The following RICTOR variants were observed in gnomAD, a reference collection of about 807,000 sequenced individuals.
The protein encoded by RICTOR is rapamycin-insensitive companion of mTOR.
In RICTOR, 49 loss-of-function variants were observed where a neutral mutation model predicts 214.9. The ratio of observed to expected loss-of-function variants is 0.23; its 90% CI spans 0.18 to 0.29. RICTOR has a LOEUF of 0.29. RICTOR is among the 10% of genes least tolerant of loss of function. The pLI, the probability that RICTOR is intolerant of heterozygous loss-of-function variation, is 1.00. For synonymous variants in RICTOR, 717 were observed against 711.3 expected, an observed-to-expected ratio of 1.01 and a Z score of -0.13; for missense variants, 1,625 against 2,047.0, an observed-to-expected ratio of 0.79 and a Z score of 3.98.
chr5:38,963,238 G>C (rs1749943313), intron 16 of RICTOR, among the ~76,000 whole-genome samples, 197 bp from the exon 17 acceptor site: 1 of 151,970 alleles, frequency 6.6e-6, no homozygotes, highest in African/African-American at 2.4e-5. Flanking sequence ...TGATTATTTA[G>C]ATGCAATTGA....
chr5:38,974,472 G>A (rs1054574004), intron 10 of RICTOR, among the ~76,000 whole-genome samples: 15 of 152,182 alleles, frequency 9.9e-5, no homozygotes, highest in African/African-American at 3.4e-4. Context: ...GACGTAGGAA[G>A]AATAAGGAGA....
At chr5:39,049,880 A>G (rs1757731433) in intron 2 of RICTOR, among the ~76,000 whole-genome samples, 1 of 152,160 alleles carries the variant, frequency 6.6e-6, no homozygotes. Context: ...AAAAAAGTTT[A>G]ACAACCAAGA....
intron 31 of RICTOR, among the ~76,000 whole-genome samples, chr5:38,948,638 G>C (rs1748434663): frequency 6.6e-6 from 1 of 152,050 alleles, no homozygotes; most frequent in Admixed American, 6.6e-5. Flanking sequence ...CTGAGGCTTA[G>C]GAATGTTCAA....
rs1196465026 is a variant in RICTOR, at chr5:38,960,486, T to A, written c.1763A>T (p.Tyr588Phe). Residue 588 changes from tyrosine (Y) to phenylalanine (F), a missense_variant, in exon 20 of 38, where the codon TAT becomes TTT. Transcript: ENST00000357387. Reference sequence around the variant, plus strand: ...GGCAAAATCCAGATCCAGGTTGGCATATAATTTACTGCTGGGCTTGTAAAA... The same window carrying A: ...GGCAAAATCCAGATCCAGGTTGGCAAATAATTTACTGCTGGGCTTGTAAAA... ...LYFYKPSSKL[Y>F]ANLDLDFAKA... 2.5e-6 allele frequency: 4 copies of A among 1,613,846 alleles called. No individual in the cohort carries two copies. Among genetic ancestry groups the A allele is most frequent in the Admixed American group, 1.7e-5 (1 of 60,002 alleles).
At chr5:38,945,262 T>C (rs1482931462) in intron 34 of RICTOR, 194 bp from the exon 35 acceptor site, 3 of 615,270 alleles carry the variant, frequency 4.9e-6, no homozygotes, top group African/African-American at 3.7e-5. Flanking sequence ...GACAGGGCTG[T>C]TCACAGTGGA....
At chr5:38,979,744 A>G (rs1751551523) in intron 8 of RICTOR, among the ~76,000 whole-genome samples, 1 of 152,310 alleles carries the variant, frequency 6.6e-6, no homozygotes, top group Middle Eastern at 3.4e-3. Flanking sequence ...TATTGGCAAG[A>G]GGGCTCAGTT....
At position 38,952,373 on chromosome 5, in the gene RICTOR, T is replaced by C. The variant is rs1748869150; in HGVS notation, c.2950A>G (p.Ile984Val). ...GCATCCCAGTTGTGACATTTTAGAA[T>C]ATCACAGCCTTGTTTGGTTTTAGCT... ...LIAKTKQGCD[I>V]LKCHNWDAVR... Residue 984 changes from isoleucine to valine, a missense_variant, in exon 30 of 38, where the codon ATT becomes GTT. Coordinates refer to ENST00000357387, the MANE Select transcript of RICTOR (RefSeq NM_152756.5). 2.5e-6 allele frequency: 4 copies of C among 1,612,950 alleles called. No homozygotes were observed. Among genetic ancestry groups the C allele is most frequent in the Non-Finnish European group, 3.4e-6 (4 of 1,179,228 alleles).
chr5:39,062,881 G>T (rs1164285743), intron 2 of RICTOR, among the ~76,000 whole-genome samples: 1 of 152,010 alleles, frequency 6.6e-6, no homozygotes, highest in African/African-American at 2.4e-5. Context: ...GCTGGGTAGG[G>T]TGTCTGAATT....
At chr5:38,985,762 C>G (rs1181508767) in intron 7 of RICTOR, among the ~76,000 whole-genome samples, 1 of 151,732 alleles carries the variant, frequency 6.6e-6, no homozygotes, top group East Asian at 1.9e-4. Flanking sequence ...GTGGCGCAAT[C>G]TCGGCTCACT....
chr5:39,020,938 G>A (rs1166774403), intron 3 of RICTOR, 101 bp downstream of exon 3: 1 of 718,760 alleles, frequency 1.4e-6, no homozygotes, highest in African/African-American at 1.7e-5. Context: ...AATGCTGAGT[G>A]AATACACAAG....
At chr5:38,962,793 T>G in intron 17 of RICTOR, 83 bp downstream of exon 17, 1 of 1,193,080 alleles carries the variant, frequency 8.4e-7, no homozygotes, top group African/African-American at 1.5e-5. Context: ...AAGTGTAAAC[T>G]CAAATACATG....
In RICTOR at chr5:38,938,340, C is replaced by T; in HGVS notation, c.*3964G>A. On this transcript the variant is annotated 3_prime_UTR_variant, in exon 38 of 38. Coordinates refer to ENST00000357387, the MANE Select transcript of RICTOR (RefSeq NM_152756.5). Reference sequence around the variant, plus strand: ...AAACTAGTTTACACCATTTGTTTTACAATGCAGCTTTAGGGTTTCTGACAG... The same window carrying T: ...AAACTAGTTTACACCATTTGTTTTATAATGCAGCTTTAGGGTTTCTGACAG... 1 of 228,792 alleles carries T rather than the reference C, an allele frequency of 4.4e-6. No individual in the cohort carries two copies. The highest frequency in any genetic ancestry group is 8.7e-6 in the Non-Finnish European group (1 of 115,122). The allele number at this position is 228,792 out of a possible 1,614,324, so 14.2% of individuals were successfully genotyped here. A position where few individuals can be genotyped will look rare whatever the true frequency, so the allele number is the denominator to read the frequency against.
intron 31 of RICTOR, chr5:38,949,208 T>C: frequency 4.1e-6 from 2 of 488,644 alleles, no homozygotes; most frequent in Non-Finnish European, 7.1e-6. Flanking sequence ...TGCTGAGTCA[T>C]GAGGACCAAG....
rs528345303 is a variant in RICTOR at position 39,068,456 on chromosome 5, G to C, written c.97+5655C>G. Among the ~76,000 whole-genome samples the C allele has an allele frequency of 2.3e-4, 35 of 152,280 alleles. No homozygotes were observed. The East Asian group carries it at 6.4e-3, about 28-fold the overall frequency. ...AGATGTGTATGGTTAAAATAGTACAGAAGAAAACCATATGGGAGTAAATCA... is the reference window on the plus strand; with the variant it reads ...AGATGTGTATGGTTAAAATAGTACACAAGAAAACCATATGGGAGTAAATCA... On this transcript the variant is annotated intron_variant, in intron 2 of 37. Transcript: ENST00000357387.
chr5:39,003,875 T>C (rs536594325), intron 3 of RICTOR, among the ~76,000 whole-genome samples: 1 of 152,284 alleles, frequency 6.6e-6, no homozygotes, highest in African/African-American at 2.4e-5. Flanking sequence ...TCCATTTTCC[T>C]TCTCAATAAT....
intron 7 of RICTOR, among the ~76,000 whole-genome samples, chr5:38,988,786 C>T (rs1752366108): frequency 1.3e-5 from 2 of 152,056 alleles, no homozygotes; most frequent in Admixed American, 1.3e-4. Flanking sequence ...GAATAAAACA[C>T]CTAGGAATCC....
chr5:38,967,518 GAACTTTA>G, intron 12 of RICTOR, 91 bp from the exon 13 acceptor site: 1 of 986,034 alleles, frequency 1.0e-6, no homozygotes, highest in Non-Finnish European at 1.5e-6. Context: ...AGGCTATAAA[GAACTTTA>G]AAAAGTGCTG....
chr5:38,999,056 C>T lies in RICTOR; in HGVS notation c.393-2174G>A, dbSNP rs1280203731. ...AAAAAAAAAAAAAAAAAAAAACAAA[C>T]CTAAAATAAATAATAAAATCATAAC... On this transcript the variant is annotated intron_variant, in intron 5 of 37. Coordinates refer to ENST00000357387, the MANE Select transcript of RICTOR (RefSeq NM_152756.5). Among the ~76,000 whole-genome samples the T allele has an allele frequency of 9.6e-5, 11 of 115,178 alleles. No homozygotes were observed. The East Asian group carries it at 2.5e-3, about 26-fold the overall frequency. The allele number at this position is 115,178 out of a possible 152,430, so 75.6% of individuals were successfully genotyped here.
At chr5:38,988,221 C>T (rs1752322268) in intron 7 of RICTOR, among the ~76,000 whole-genome samples, 3 of 152,084 alleles carry the variant, frequency 2.0e-5, no homozygotes. Flanking sequence ...ATTAGGTCTG[C>T]TTGGTCCAGA....
Sources: allele counts gnomAD v4.1 joint callset (sites outside exome capture counted in the v4.1 genomes callset), GRCh38; gene constraint gnomAD v4.1.1; transcripts MANE v1.5; gene names NCBI Gene and HGNC (gene_info 2026-07-23, HGNC 2026-07-21).